ADAMTSL3: variants seen among roughly 807,000 people sequenced by gnomAD.
The protein encoded by ADAMTSL3 is ADAMTS-like protein 3.
ADAMTSL3 carries 128 observed loss-of-function variants against 201.7 expected under a neutral mutation model. The ratio of observed to expected loss-of-function variants is 0.63; its 90% CI spans 0.55 to 0.73. The LOEUF (loss-of-function observed/expected upper bound fraction) is 0.73, where lower values mean the gene tolerates loss of function less well. Among genes scored for constraint, ADAMTSL3 ranks in the 30% least tolerant of loss-of-function variants. ADAMTSL3 has a pLI of 0.00. For synonymous variants in ADAMTSL3, 738 were observed against 748.4 expected (o/e 0.99, Z 0.23); for missense variants, 1,990 against 2,119.6 (o/e 0.94, Z 1.20).
intron 8 of ADAMTSL3, among the ~76,000 whole-genome samples, chr15:83,869,872 C>T (rs1184705578): frequency 6.6e-6 from 1 of 151,986 alleles, no homozygotes; most frequent in Non-Finnish European, 1.5e-5. Flanking sequence ...AAACCCAAGG[C>T]AGAAAGTTAG....
Position 83,971,694 on chromosome 15 carries a change from G to A in ADAMTSL3, c.2644+1057G>A, listed in dbSNP as rs370214817. ...TGGTGGTGAGGAGGTTGGGAAGGGA[G>A]GTAGGGAACAGGCATAGTGGAAATA... On this transcript the variant is annotated intron_variant, in intron 20 of 29. Coordinates refer to ENST00000286744, the MANE Select transcript of ADAMTSL3 (RefSeq NM_207517.3). Among the ~76,000 whole-genome samples the A allele has an allele frequency of 3.2e-4, 49 of 151,326 alleles. 2 individuals are homozygous for A. The East Asian group carries it at 5.6e-3, about 17-fold the overall frequency.
intron 19 of ADAMTSL3, among the ~76,000 whole-genome samples, chr15:83,949,832 C>A (rs1310362143): frequency 6.6e-6 from 1 of 152,022 alleles, no homozygotes; most frequent in African/African-American, 2.4e-5. Flanking sequence ...CTATTCAGAT[C>A]TTTTCCCATT....
In ADAMTSL3 at chr15:83,903,954, A is replaced by AGGAAGGAAGGAAGGAAGGAAGG. The variant is rs1258829960; in HGVS notation, c.1700+4223_1700+4224insGGAAGGAAGGAAGGAAGGAAGG. Reference sequence around the variant, plus strand: ...AAAAAAAAAAAAAAAAGAAAAAAGAAAGAAAGAAAGAAAGAAAAGGAGCTA... The same window carrying AGGAAGGAAGGAAGGAAGGAAGG: ...AAAAAAAAAAAAAAAAGAAAAAAGAAGGAAGGAAGGAAGGAAGGAAGGAGAAAGAAAGAAAGAAAAGGAGCTA... On this transcript the variant is annotated intron_variant, in intron 15 of 29. Coordinates refer to ENST00000286744, the MANE Select transcript of ADAMTSL3 (RefSeq NM_207517.3). Among the ~76,000 whole-genome samples the AGGAAGGAAGGAAGGAAGGAAGG allele has an allele frequency of 3.5e-5, 2 of 57,622 alleles. 1 individual carries two copies. Among genetic ancestry groups the AGGAAGGAAGGAAGGAAGGAAGG allele is most frequent in the African/African-American group, 2.1e-4 (2 of 9,682 alleles). The allele number at this position is 57,622 out of a possible 152,430, so 37.8% of individuals were successfully genotyped here. A position where few individuals can be genotyped will look rare whatever the true frequency, so the allele number is the denominator to read the frequency against.
chr15:83,793,084 A>G (rs2063367939), intron 4 of ADAMTSL3, among the ~76,000 whole-genome samples: 1 of 152,262 alleles, frequency 6.6e-6, no homozygotes, highest in African/African-American at 2.4e-5. Context: ...AGTCAGGCAC[A>G]GGAAGGCAAA....
At chr15:83,965,569 C>A (rs1490847182) in intron 19 of ADAMTSL3, among the ~76,000 whole-genome samples, 1 of 152,022 alleles carries the variant, frequency 6.6e-6, no homozygotes, top group Non-Finnish European at 1.5e-5. Flanking sequence ...ACTTGGACTC[C>A]CACACAATAA....
Position 83,838,073 on chromosome 15 carries a change from A to T in ADAMTSL3, c.601-16A>T, listed in dbSNP as rs1355108642. 1 of 1,605,358 alleles carries T rather than the reference A, an allele frequency of 6.2e-7. No individual in the cohort carries two copies. Among genetic ancestry groups the T allele is most frequent in the African/African-American group, 1.3e-5 (1 of 74,418 alleles). On this transcript the variant is annotated splice_polypyrimidine_tract_variant and intron_variant, in intron 6 of 29. Coordinates refer to ENST00000286744, the MANE Select transcript of ADAMTSL3 (RefSeq NM_207517.3). Reference sequence around the variant, plus strand: ...CTGGCTTTGGGCACCACTGACTGCCATGCTTCTGTTGGCAGGCAGTGGGCT... The same window carrying T: ...CTGGCTTTGGGCACCACTGACTGCCTTGCTTCTGTTGGCAGGCAGTGGGCT...
At chr15:83,850,184 G>A (rs1464112886) in intron 7 of ADAMTSL3, among the ~76,000 whole-genome samples, 9 of 151,652 alleles carry the variant, frequency 5.9e-5, no homozygotes, top group South Asian at 4.2e-4. Flanking sequence ...GCTTCCTCCC[G>A]CTACGGAGGC....
intron 5 of ADAMTSL3, among the ~76,000 whole-genome samples, chr15:83,807,700 A>G (rs2063622704): frequency 6.6e-6 from 1 of 152,220 alleles, no homozygotes. Flanking sequence ...AAACACACAA[A>G]AAACAAAACT....
intron 13 of ADAMTSL3, among the ~76,000 whole-genome samples, chr15:83,896,419 A>T (rs183434252): frequency 1.3e-5 from 2 of 152,344 alleles, no homozygotes; most frequent in East Asian, 3.9e-4. Context: ...AAAGGAAATT[A>T]TAAGAAATTA....
chr15:83,746,172 T>G (rs1418213095), intron 3 of ADAMTSL3, among the ~76,000 whole-genome samples: 1 of 151,778 alleles, frequency 6.6e-6, no homozygotes, highest in Non-Finnish European at 1.5e-5. Context: ...AGAGAAGAGG[T>G]ATAGAATTGC....
intron 4 of ADAMTSL3, among the ~76,000 whole-genome samples, chr15:83,780,093 A>C (rs2063142623): frequency 6.6e-6 from 1 of 152,134 alleles, no homozygotes. Flanking sequence ...ACTGAAGGAG[A>C]TTGAGAGACA....
At chr15:83,889,465 A>G (rs1040763756) in intron 10 of ADAMTSL3, among the ~76,000 whole-genome samples, 1 of 152,226 alleles carries the variant, frequency 6.6e-6, no homozygotes, top group African/African-American at 2.4e-5. Flanking sequence ...AAAAAAGTGG[A>G]AAACGGAACA....
chr15:83,755,255 A>C (rs2062701522), intron 3 of ADAMTSL3, among the ~76,000 whole-genome samples: 1 of 152,076 alleles, frequency 6.6e-6, no homozygotes, highest in African/African-American at 2.4e-5. Flanking sequence ...TTGTGGTAAA[A>C]TATATATTGT....
intron 2 of ADAMTSL3, among the ~76,000 whole-genome samples, chr15:83,679,955 C>T (rs1045556623): frequency 6.6e-6 from 1 of 152,174 alleles, no homozygotes; most frequent in Non-Finnish European, 1.5e-5. Context: ...CACCATGCCA[C>T]CATTGGTGGG....
chr15:83,929,670 G>A (rs1246703131), intron 17 of ADAMTSL3, among the ~76,000 whole-genome samples: 1 of 145,464 alleles, frequency 6.9e-6, no homozygotes, highest in Non-Finnish European at 1.5e-5. Context: ...CACATCTCCT[G>A]TCACCTCTAC....
At chr15:83,771,920 G>T (rs1596177611) in intron 3 of ADAMTSL3, among the ~76,000 whole-genome samples, 1 of 151,310 alleles carries the variant, frequency 6.6e-6, no homozygotes, top group Non-Finnish European at 1.5e-5. Context: ...GCAGTGGCAC[G>T]ATCTCAGCTG....
intron 17 of ADAMTSL3, among the ~76,000 whole-genome samples, chr15:83,925,193 G>A (rs932337353): frequency 2.0e-5 from 3 of 152,088 alleles, no homozygotes; most frequent in Admixed American, 2.0e-4. Flanking sequence ...CTGGAGATGG[G>A]CACCCCTTCC....
At chr15:83,915,782 G>T (rs74026617) in intron 16 of ADAMTSL3, among the ~76,000 whole-genome samples, 3 of 152,104 alleles carry the variant, frequency 2.0e-5, no homozygotes, top group African/African-American at 4.8e-5. Flanking sequence ...TTCACTTAGC[G>T]TAGTGTTTTC....
At chr15:83,983,775 A>G (rs1279250508) in intron 21 of ADAMTSL3, among the ~76,000 whole-genome samples, 2 of 152,186 alleles carry the variant, frequency 1.3e-5, no homozygotes, top group African/African-American at 4.8e-5. Context: ...CATCAGCCCC[A>G]TGAGATTGGC....
Sources: gnomAD v4.1 joint callset for allele counts (sites outside exome capture counted in the v4.1 genomes callset) on GRCh38, gnomAD v4.1.1 for gene constraint, MANE v1.5 for transcripts, NCBI Gene and HGNC (gene_info 2026-07-23, HGNC 2026-07-21) for gene names.